PPARG: variants seen among roughly 807,000 people sequenced by gnomAD.
The protein encoded by PPARG is peroxisome proliferator-activated receptor gamma.
In PPARG, 17 loss-of-function variants were observed where a neutral mutation model predicts 39.2. That is an observed-to-expected ratio of 0.43 (90% CI 0.30 to 0.65). PPARG has a LOEUF of 0.65. Ranked by LOEUF, PPARG falls within the 30% of genes least tolerant of loss-of-function variation. The pLI is 0.13. For synonymous variants in PPARG, 223 were observed against 215.7 expected (o/e 1.03, Z -0.30); for missense variants, 406 against 585.9 (o/e 0.69, Z 3.17).
At chr3:12,308,357 AAAAAAAAAAAAAAG>A (rs2047133106) in intron 1 of PPARG, among the ~76,000 whole-genome samples, 1 of 149,356 alleles carries the variant, frequency 6.7e-6, no homozygotes, top group Non-Finnish European at 1.5e-5. Flanking sequence ...AAAAAAAAAA[AAAAAAAAAAAAAAG>A]GGAGAAACTG....
intron 1 of PPARG, among the ~76,000 whole-genome samples, chr3:12,296,858 G>A (rs918832743): frequency 6.6e-6 from 1 of 152,182 alleles, no homozygotes; most frequent in Admixed American, 6.5e-5. Context: ...ATATGGATTT[G>A]TAAACCTCAA....
At chr3:12,373,860 A>G (rs2125152982) in intron 2 of PPARG, among the ~76,000 whole-genome samples, 1 of 152,318 alleles carries the variant, frequency 6.6e-6, no homozygotes, top group South Asian at 2.1e-4. Flanking sequence ...AGATGGTTTT[A>G]CAGAGAAAGT....
At chr3:12,374,472 G>A (rs888499190) in intron 2 of PPARG, among the ~76,000 whole-genome samples, 13 of 152,098 alleles carry the variant, frequency 8.5e-5, no homozygotes, top group African/African-American at 2.2e-4. Context: ...GGTGGCACAC[G>A]CCTGTAATCC....
At chr3:12,330,399 C>T (rs1431980468) in intron 2 of PPARG, among the ~76,000 whole-genome samples, 2 of 150,084 alleles carry the variant, frequency 1.3e-5, no homozygotes, top group Non-Finnish European at 3.0e-5. Context: ...TGATGTTAAG[C>T]ATCTTTTCAT....
intron 6 of PPARG, among the ~76,000 whole-genome samples, chr3:12,408,881 A>G (rs1233073069): frequency 6.6e-6 from 1 of 152,064 alleles, no homozygotes; most frequent in African/African-American, 2.4e-5. Flanking sequence ...AAATTACACT[A>G]CTGGTGTGCA....
chr3:12,352,890 A>G (rs1355377356), intron 2 of PPARG, among the ~76,000 whole-genome samples: 5 of 152,208 alleles, frequency 3.3e-5, no homozygotes, highest in African/African-American at 1.2e-4. Flanking sequence ...CAAGCCATAA[A>G]AATTGTTGCT....
At chr3:12,427,904 T>TTTTG (rs923987881) in intron 7 of PPARG, among the ~76,000 whole-genome samples, 2 of 152,190 alleles carry the variant, frequency 1.3e-5, no homozygotes, top group African/African-American at 4.8e-5. Context: ...ATCACATTTG[T>TTTTG]TTTGTTTGTT....
intron 2 of PPARG, among the ~76,000 whole-genome samples, chr3:12,320,067 G>A (rs534370685): frequency 4.6e-5 from 7 of 152,228 alleles, no homozygotes; most frequent in African/African-American, 1.7e-4. Flanking sequence ...ATTCTTCAAG[G>A]GATGGAATGT....
chr3:12,288,800 C>G (rs1446821483), upstream of PPARG: 1 of 152,322 alleles, frequency 6.6e-6, no homozygotes, highest in East Asian at 1.9e-4. Flanking sequence ...CCAGGACCCC[C>G]AGCCGCACCC....
At chr3:12,343,280 C>G (rs1339072272) in intron 2 of PPARG, among the ~76,000 whole-genome samples, 2 of 152,176 alleles carry the variant, frequency 1.3e-5, no homozygotes, top group Non-Finnish European at 2.9e-5. Context: ...TGTTCCCTTT[C>G]CTTGTTCCTG....
chr3:12,373,400 A>G (rs1020646543), intron 2 of PPARG, among the ~76,000 whole-genome samples: 1 of 152,206 alleles, frequency 6.6e-6, no homozygotes, highest in Non-Finnish European at 1.5e-5. Context: ...TAGAAAAATA[A>G]GAAAACCATC....
chr3:12,417,236 T>C, intron 7 of PPARG, 82 bp downstream of exon 7: 1 of 1,346,240 alleles, frequency 7.4e-7, no homozygotes, highest in African/African-American at 1.4e-5. Flanking sequence ...TTCCTTAGTG[T>C]TAGTCTGCAT....
chr3:12,375,245 GGA>G (rs141166078), intron 2 of PPARG, among the ~76,000 whole-genome samples: 50 of 147,458 alleles, frequency 3.4e-4, no homozygotes, highest in Non-Finnish European at 3.3e-4. Context: ...TGGGGAGGTG[GGA>G]GAGAGAGAGA....
At chr3:12,321,811 A>G (rs956272781) in intron 2 of PPARG, among the ~76,000 whole-genome samples, 5 of 152,156 alleles carry the variant, frequency 3.3e-5, no homozygotes, top group African/African-American at 9.7e-5. Context: ...TTTTCATACT[A>G]TTGTTGATTC....
intron 5 of PPARG, among the ~76,000 whole-genome samples, chr3:12,393,834 G>A (rs945835399): frequency 1.1e-4 from 16 of 152,132 alleles, no homozygotes; most frequent in Non-Finnish European, 1.9e-4. Flanking sequence ...AGATATTTGA[G>A]AGTCACTCAT....
chr3:12,389,445 G>A (rs1191167743), intron 4 of PPARG, among the ~76,000 whole-genome samples: 1 of 152,164 alleles, frequency 6.6e-6, no homozygotes, highest in African/African-American at 2.4e-5. Context: ...GAATACTAAA[G>A]ACAAATAGAG....
intron 7 of PPARG, among the ~76,000 whole-genome samples, chr3:12,420,661 C>T (rs1408026992): frequency 6.6e-6 from 1 of 152,120 alleles, no homozygotes; most frequent in Non-Finnish European, 1.5e-5. Flanking sequence ...GGGGGTGTCC[C>T]TAGAGGACCC....
chr3:12,389,422 C>G (rs749235431), intron 4 of PPARG, among the ~76,000 whole-genome samples: 1 of 152,052 alleles, frequency 6.6e-6, no homozygotes, highest in Non-Finnish European at 1.5e-5. Flanking sequence ...AAACACACTG[C>G]GGTTAAACTG....
intron 1 of PPARG, among the ~76,000 whole-genome samples, chr3:12,311,802 T>C (rs916843436): frequency 1.3e-5 from 2 of 152,196 alleles, no homozygotes; most frequent in African/African-American, 4.8e-5. Context: ...TGCTCTCTGG[T>C]TCGTCCTCTG....
Sources: gnomAD v4.1 joint callset for allele counts (sites outside exome capture counted in the v4.1 genomes callset) on GRCh38, gnomAD v4.1.1 for gene constraint, MANE v1.5 for transcripts, NCBI Gene and HGNC (gene_info 2026-07-23, HGNC 2026-07-21) for gene names.